The following TMEM117 variants were observed in gnomAD, a reference collection of about 807,000 sequenced individuals.
TMEM117 encodes transmembrane protein 117.
Under a neutral mutation model 52.4 loss-of-function variants are expected in TMEM117, and 27 were observed. That is an observed-to-expected ratio of 0.51 (90% confidence interval 0.38 to 0.71). The LOEUF is 0.71. Among genes scored for constraint, TMEM117 ranks in the 30% least tolerant of loss-of-function variants. TMEM117 has a pLI of 0.00. For missense variants in TMEM117, 556 were observed against 630.5 expected, an observed-to-expected ratio of 0.88 and a Z score of 1.26; for synonymous variants, 215 against 206.3, an observed-to-expected ratio of 1.04 and a Z score of -0.36.
At chr12:44,072,272 T>C (rs1182882085) in intron 3 of TMEM117, among the ~76,000 whole-genome samples, 1 of 152,176 alleles carries the variant, frequency 6.6e-6, no homozygotes, top group Non-Finnish European at 1.5e-5. Flanking sequence ...TTCCCTTTAC[T>C]TTGGATCTGG....
At chr12:43,938,706 A>C (rs1029915243) in intron 2 of TMEM117, among the ~76,000 whole-genome samples, 1 of 152,114 alleles carries the variant, frequency 6.6e-6, no homozygotes, top group Non-Finnish European at 1.5e-5. Context: ...AAAAGATGGA[A>C]AATGTGAGAA....
intron 6 of TMEM117, among the ~76,000 whole-genome samples, chr12:44,370,577 G>A (rs565241929): frequency 6.8e-6 from 1 of 146,950 alleles, no homozygotes; most frequent in South Asian, 2.2e-4. Context: ...GAATGCAGTA[G>A]TGCAATCTCG....
intron 3 of TMEM117, among the ~76,000 whole-genome samples, chr12:44,001,805 G>C (rs148165414): frequency 1.2e-3 from 179 of 152,186 alleles, no homozygotes; most frequent in African/African-American, 4.1e-3. Context: ...TTTACGAGTG[G>C]AAGAGTGACA....
intron 5 of TMEM117, among the ~76,000 whole-genome samples, chr12:44,277,714 T>A (rs1049702446): frequency 6.7e-6 from 1 of 149,780 alleles, no homozygotes; most frequent in Non-Finnish European, 1.5e-5. Flanking sequence ...ACAGAGAACT[T>A]CCCTCCCATG....
intron 3 of TMEM117, among the ~76,000 whole-genome samples, chr12:44,116,422 G>C (rs1229135100): frequency 6.6e-6 from 1 of 151,142 alleles, no homozygotes; most frequent in African/African-American, 2.4e-5. Flanking sequence ...CTTCTAGCCT[G>C]AATATTTTTG....
At position 44,291,249 on chromosome 12, in the gene TMEM117, T is replaced by C. The variant is rs765876446; in HGVS notation, c.609-8331T>C. 1.9e-4 allele frequency among the ~76,000 whole-genome samples: 29 copies of C among 151,938 alleles called. 1 individual carries two copies. Among genetic ancestry groups the C allele is most frequent in the Non-Finnish European group, 3.4e-4 (23 of 67,976 alleles). ...AAGAATTTTATTCTTTATTATTCTT[T>C]TGTAAAGTGGATTGTTTTGATTCTT... On this transcript the variant is annotated intron_variant, in intron 5 of 7. Coordinates refer to ENST00000266534, the MANE Select transcript of TMEM117 (RefSeq NM_032256.3).
chr12:44,339,884 C>T (rs189903328), intron 6 of TMEM117, among the ~76,000 whole-genome samples: 262 of 151,808 alleles, frequency 1.7e-3, no homozygotes, highest in African/African-American at 6.0e-3. Context: ...ATATCCAAAT[C>T]AAGAAGTGTT....
the TMEM117 span, among the ~76,000 whole-genome samples, chr12:44,395,018 A>G: frequency 6.6e-6 from 1 of 152,230 alleles, no homozygotes; most frequent in Non-Finnish European, 1.5e-5. Context: ...ATAGCAGTTG[A>G]CTTCAACCAA....
chr12:43,797,594 A>C, the TMEM117 span: 11 of 1,437,676 alleles, frequency 7.7e-6, no homozygotes, highest in South Asian at 1.4e-4. Context: ...TTACAAAATG[A>C]ATTTTAGAAA....
intron 4 of TMEM117, among the ~76,000 whole-genome samples, chr12:44,196,745 C>T (rs1396938408): frequency 1.3e-5 from 2 of 152,188 alleles, no homozygotes; most frequent in Non-Finnish European, 2.9e-5. Context: ...CTGAAACACT[C>T]ATTCCATAAC....
At chr12:43,843,761 C>CCA (rs1943153415) in intron 1 of TMEM117, among the ~76,000 whole-genome samples, 1 of 152,148 alleles carries the variant, frequency 6.6e-6, no homozygotes, top group African/African-American at 2.4e-5. Flanking sequence ...GCAAAGTTGC[C>CCA]CAGTCCTTTC....
At chr12:44,214,230 C>G (rs1237250651) in intron 5 of TMEM117, among the ~76,000 whole-genome samples, 3 of 146,890 alleles carry the variant, frequency 2.0e-5, no homozygotes, top group East Asian at 4.2e-4. Flanking sequence ...ACTGCAGCCT[C>G]TGCCTCCCAG....
intron 6 of TMEM117, among the ~76,000 whole-genome samples, chr12:44,313,958 C>A (rs188586140): frequency 6.6e-6 from 1 of 152,024 alleles, no homozygotes; most frequent in African/African-American, 2.4e-5. Context: ...GATTTTGTGT[C>A]CTGAAACTTT....
In TMEM117 at chr12:43,958,799, T is replaced by TTTTTGTTTG. The variant is rs10687444; in HGVS notation, c.410+14460_410+14461insTGTTTGTTT. On this transcript the variant is annotated intron_variant, in intron 3 of 7. Transcript: ENST00000266534. ...AAAGTGTAAAATGCATGGTTTCTTT[T>TTTTTGTTTG]TTTGTTAGTTTGTTTGTTTGTTTTT... Among the ~76,000 whole-genome samples, 92 of 151,108 alleles carry TTTTTGTTTG rather than the reference T, an allele frequency of 6.1e-4. 1 individual carries two copies. The highest frequency in any genetic ancestry group is 3.4e-3 in the Middle Eastern group (1 of 292).
Position 44,358,924 on chromosome 12 carries a change from G to A in TMEM117, c.769-17671G>A, listed in dbSNP as rs116575667. ...TAGCTGTAATATCTCTGTGGGTTTC[G>A]TAATAACATATATAATTATGATGCA... On this transcript the variant is annotated intron_variant, in intron 6 of 7. Coordinates refer to ENST00000266534, the MANE Select transcript of TMEM117 (RefSeq NM_032256.3). Among the ~76,000 whole-genome samples, 1,127 of 152,162 alleles carry A rather than the reference G, an allele frequency of 7.4e-3. 15 individuals carry two copies. The highest frequency in any genetic ancestry group is 0.023 in the African/African-American group (940 of 41,530).
chr12:44,340,479 C>T (rs1951401915), intron 6 of TMEM117, among the ~76,000 whole-genome samples: 1 of 152,096 alleles, frequency 6.6e-6, no homozygotes, highest in Admixed American at 6.6e-5. Flanking sequence ...AGCATTACCA[C>T]AGTTCCGTTC....
chr12:44,127,072 AATAT>A (rs1162325768), intron 3 of TMEM117, among the ~76,000 whole-genome samples: 2 of 152,226 alleles, frequency 1.3e-5, no homozygotes, highest in African/African-American at 4.8e-5. Context: ...TCTCAATGAT[AATAT>A]TGATGAGAAG....
chr12:44,095,871 A>C (rs1417747641), intron 3 of TMEM117, among the ~76,000 whole-genome samples: 2 of 151,668 alleles, frequency 1.3e-5, no homozygotes, highest in African/African-American at 4.8e-5. Flanking sequence ...GGCCAGGGCA[A>C]TTAGGCAGGA....
At chr12:44,074,456 C>T (rs966158903) in intron 3 of TMEM117, among the ~76,000 whole-genome samples, 28 of 151,698 alleles carry the variant, frequency 1.8e-4, no homozygotes, top group African/African-American at 6.8e-4. Context: ...CTTGCAAATG[C>T]TATAAGAAAA....
Sources: gnomAD v4.1 joint callset for allele counts (sites outside exome capture counted in the v4.1 genomes callset) on GRCh38, gnomAD v4.1.1 for gene constraint, MANE v1.5 for transcripts, NCBI Gene and HGNC (gene_info 2026-07-23, HGNC 2026-07-21) for gene names.